PPM1H: variants seen among roughly 807,000 people sequenced by gnomAD.
PPM1H encodes protein phosphatase 1H.
A neutral mutation model predicts 54.9 loss-of-function variants in PPM1H; 27 were observed. The observed-to-expected ratio is 0.49, with a 90% CI of 0.36 to 0.68. The LOEUF is 0.68. PPM1H is among the 30% of genes least tolerant of loss of function. PPM1H has a pLI of 0.00. For missense variants in PPM1H, 596 were observed against 667.8 expected, an observed-to-expected ratio of 0.89 and a Z score of 1.19; for synonymous variants, 305 against 270.8, an observed-to-expected ratio of 1.13 and a Z score of -1.24.
chr12:62,771,805 A>G (rs1166059428), intron 4 of PPM1H, among the ~76,000 whole-genome samples: 1 of 152,168 alleles, frequency 6.6e-6, no homozygotes, highest in Non-Finnish European at 1.5e-5. Flanking sequence ...TTATTTTGCC[A>G]CCATTCCTCC....
At chr12:62,671,021 C>T (rs1440613926) in intron 8 of PPM1H, among the ~76,000 whole-genome samples, 4 of 152,158 alleles carry the variant, frequency 2.6e-5, no homozygotes, top group Non-Finnish European at 4.4e-5. Context: ...TGTGCTTATC[C>T]TCCCCAGCAG....
intron 2 of PPM1H, among the ~76,000 whole-genome samples, chr12:62,812,694 GCTCA>G (rs1185170522): frequency 2.0e-5 from 3 of 151,198 alleles, no homozygotes; most frequent in Admixed American, 1.3e-4. Flanking sequence ...TCTACAGTAG[GCTCA>G]CTATCACATT....
At chr12:62,701,636 G>A (rs539379380) in intron 6 of PPM1H, among the ~76,000 whole-genome samples, 2 of 151,548 alleles carry the variant, frequency 1.3e-5, no homozygotes, top group Admixed American at 6.6e-5. Flanking sequence ...TGACATCGTC[G>A]ATCACTCTGC....
chr12:62,894,935 C>T (rs968295321), intron 1 of PPM1H, among the ~76,000 whole-genome samples: 9 of 152,184 alleles, frequency 5.9e-5, no homozygotes, highest in African/African-American at 1.9e-4. Flanking sequence ...GGCTGCATGG[C>T]AACTTTGTAA....
chr12:62,930,258 C>T (rs897746716), intron 1 of PPM1H, among the ~76,000 whole-genome samples: 1 of 152,172 alleles, frequency 6.6e-6, no homozygotes, highest in Non-Finnish European at 1.5e-5. Flanking sequence ...GTGAGACATA[C>T]ACTTATATGA....
At chr12:62,686,495 C>G (rs2076052700) in intron 8 of PPM1H, among the ~76,000 whole-genome samples, 1 of 152,160 alleles carries the variant, frequency 6.6e-6, no homozygotes, top group African/African-American at 2.4e-5. Flanking sequence ...AGTTACAAGC[C>G]CTGTGCTCAA....
Position 62,647,122 on chromosome 12 carries a change from C to G in PPM1H, c.*1367G>C, listed in dbSNP as rs1229396971. The stretch of plus-strand genomic sequence containing the variant: ...GAGTTTTATAATCTACTTGGCCATT[C>G]CTCCCAGCAGAGAAGCAGCAGGTAG... On this transcript the variant is annotated 3_prime_UTR_variant, in exon 10 of 10. Transcript: ENST00000228705. 6.6e-6 allele frequency: 1 copy of G among 152,184 alleles called. No homozygotes were observed. Among genetic ancestry groups the G allele is most frequent in the African/African-American group, 2.4e-5 (1 of 41,440 alleles). 9.4% of individuals were successfully genotyped at this position (152,184 alleles called of 1,614,324 possible).
intron 2 of PPM1H, among the ~76,000 whole-genome samples, chr12:62,824,436 T>C (rs1022746334): frequency 1.3e-5 from 2 of 152,190 alleles, no homozygotes; most frequent in East Asian, 3.9e-4. Flanking sequence ...AGAGCCCACA[T>C]TGCCAAGACA....
intron 1 of PPM1H, among the ~76,000 whole-genome samples, chr12:62,916,245 C>A (rs1408724243): frequency 6.6e-6 from 1 of 152,196 alleles, no homozygotes; most frequent in African/African-American, 2.4e-5. Context: ...TTTCTGTCAA[C>A]CGAGCTGAAA....
chr12:62,838,045 A>C lies in PPM1H; in HGVS notation c.246-5766T>G, dbSNP rs1053441744. On this transcript the variant is annotated intron_variant, in intron 1 of 9. Coordinates refer to ENST00000228705, the MANE Select transcript of PPM1H (RefSeq NM_020700.2). ...TCCAGATTCCCACCCCGATCTGCCC[A>C]CCCACATCGGCTCTGGGCCCCCAAG... Among the ~76,000 whole-genome samples, 7 of 152,228 alleles carry C rather than the reference A, an allele frequency of 4.6e-5. No individual in the cohort carries two copies. In the South Asian group the frequency reaches 1.5e-3, roughly 32 times the overall value.
At chr12:62,692,257 T>G (rs936561954) in intron 7 of PPM1H, among the ~76,000 whole-genome samples, 1 of 152,132 alleles carries the variant, frequency 6.6e-6, no homozygotes, top group African/African-American at 2.4e-5. Flanking sequence ...GGCTTTTAAA[T>G]AGGCCAACAG....
intron 5 of PPM1H, among the ~76,000 whole-genome samples, chr12:62,723,737 G>C (rs1458200996): frequency 3.3e-5 from 5 of 151,960 alleles, no homozygotes; most frequent in African/African-American, 1.2e-4. Flanking sequence ...GACTAAGGCT[G>C]TGTGTGTGTG....
At chr12:62,774,619 G>A (rs1245115854) in intron 4 of PPM1H, among the ~76,000 whole-genome samples, 1 of 152,086 alleles carries the variant, frequency 6.6e-6, no homozygotes, top group Non-Finnish European at 1.5e-5. Context: ...TGGGATTATG[G>A]GTATGAGCCA....
chr12:62,696,364 TG>T (rs2136644024), intron 6 of PPM1H, among the ~76,000 whole-genome samples: 1 of 152,234 alleles, frequency 6.6e-6, no homozygotes, highest in East Asian at 1.9e-4. Context: ...ATAGAAACAA[TG>T]GTGGAAAAGG....
At chr12:62,666,009 G>A (rs2075915871) in intron 9 of PPM1H, among the ~76,000 whole-genome samples, 1 of 152,044 alleles carries the variant, frequency 6.6e-6, no homozygotes, top group Non-Finnish European at 1.5e-5. Context: ...GATTACAGGT[G>A]TGAGCCACCA....
chr12:62,838,988 C>T (rs61922305), intron 1 of PPM1H, among the ~76,000 whole-genome samples: 8,137 of 148,666 alleles, frequency 0.055, 337 homozygotes, highest in African/African-American at 0.096. Context: ...CACCTGGCTC[C>T]GGGTGGCAGG....
chr12:62,716,073 A>C (rs966345323), intron 6 of PPM1H, among the ~76,000 whole-genome samples: 2 of 152,210 alleles, frequency 1.3e-5, no homozygotes, highest in African/African-American at 4.8e-5. Flanking sequence ...CCTGGATTCT[A>C]GTCCTTATTC....
At chr12:62,857,915 T>A (rs1869448990) in intron 1 of PPM1H, among the ~76,000 whole-genome samples, 1 of 152,204 alleles carries the variant, frequency 6.6e-6, no homozygotes, top group Non-Finnish European at 1.5e-5. Context: ...GGTCAGCGCC[T>A]TGCATATATT....
intron 4 of PPM1H, among the ~76,000 whole-genome samples, chr12:62,744,268 C>T (rs997733305): frequency 6.6e-6 from 1 of 151,116 alleles, no homozygotes; most frequent in African/African-American, 2.4e-5. Context: ...GTCAGGAGTT[C>T]AAGACCAGCC....
Sources: gnomAD v4.1 joint callset for allele counts (sites outside exome capture counted in the v4.1 genomes callset) on GRCh38, gnomAD v4.1.1 for gene constraint, MANE v1.5 for transcripts, NCBI Gene and HGNC (gene_info 2026-07-23, HGNC 2026-07-21) for gene names.